Variants in SYNC observed in about 807,000 individuals in gnomAD.
The protein encoded by SYNC is syncoilin.
A neutral mutation model predicts 49.5 loss-of-function variants in SYNC; 38 were observed. The observed-to-expected ratio is 0.77, with a 90% confidence interval of 0.59 to 1.01. The LOEUF is 1.01. Ranked by LOEUF, SYNC falls within the 50% of genes least tolerant of loss-of-function variation. The pLI is 0.00. For synonymous variants in SYNC, 201 were observed against 230.8 expected, an observed-to-expected ratio of 0.87 and a Z score of 1.17; for missense variants, 579 against 580.6, an observed-to-expected ratio of 1.00 and a Z score of 0.03.
chr1:32,687,861 A>ATTATTATTTTTTTTTTTT (rs1280120903), intron 2 of SYNC, among the ~76,000 whole-genome samples: 37 of 146,436 alleles, frequency 2.5e-4, no homozygotes, highest in African/African-American at 9.1e-4. Flanking sequence ...TATTATTATT[A>ATTATTATTTTTTTTTTTT]TTTTTTGAGA....
upstream of SYNC, chr1:32,703,152 G>A (rs1271870598): frequency 1.3e-5 from 2 of 152,058 alleles, no homozygotes; most frequent in Non-Finnish European, 2.9e-5. Flanking sequence ...CCCCACCCAA[G>A]AGGGGAAGGG....
At chr1:32,687,972 C>T (rs1050309722) in intron 2 of SYNC, among the ~76,000 whole-genome samples, 4 of 151,714 alleles carry the variant, frequency 2.6e-5, no homozygotes, top group African/African-American at 9.7e-5. Flanking sequence ...GTCTCAGCCT[C>T]CCAAGTAGCT....
intron 1 of SYNC, among the ~76,000 whole-genome samples, chr1:32,697,583 A>G (rs966292102): frequency 1.3e-5 from 2 of 151,976 alleles, no homozygotes; most frequent in African/African-American, 4.8e-5. Flanking sequence ...AAAAAATACA[A>G]AAAATTAGCT....
At chr1:32,694,349 T>G (rs979273590) in intron 2 of SYNC, among the ~76,000 whole-genome samples, 1 of 150,732 alleles carries the variant, frequency 6.6e-6, no homozygotes, top group East Asian at 2.0e-4. Context: ...AGCAAGACCC[T>G]GTCGCAAAAA....
Position 32,692,545 on chromosome 1 carries a change from G to A in SYNC, c.1233+2320C>T, listed in dbSNP as rs1345763839. Among the ~76,000 whole-genome samples, 5 of 152,178 alleles carry A rather than the reference G, an allele frequency of 3.3e-5. No homozygotes were observed. In the East Asian group the frequency reaches 7.7e-4, roughly 23 times the overall value. ...GTGGATCACCTGAGGTCAGGTGTTC[G>A]AGACCAGCCTGACCAACATGGTGAA... On this transcript the variant is annotated intron_variant, in intron 2 of 4. Coordinates refer to ENST00000409190, the MANE Select transcript of SYNC (RefSeq NM_030786.3).
intron 2 of SYNC, among the ~76,000 whole-genome samples, chr1:32,687,988 T>C (rs1403857934): frequency 6.6e-6 from 1 of 151,872 alleles, no homozygotes; most frequent in East Asian, 1.9e-4. Flanking sequence ...TAGCTGGGAC[T>C]ACAGGCGGCC....
intron 2 of SYNC, among the ~76,000 whole-genome samples, chr1:32,686,908 C>G (rs570210155): frequency 6.4e-4 from 97 of 152,314 alleles, no homozygotes; most frequent in African/African-American, 2.2e-3. Flanking sequence ...TGTGCAACCC[C>G]AAAAGCTGGC....
chr1:32,688,865 G>A (rs975717635), intron 2 of SYNC, among the ~76,000 whole-genome samples: 3 of 151,980 alleles, frequency 2.0e-5, no homozygotes, highest in African/African-American at 7.3e-5. Context: ...ACAGGCATGG[G>A]CCACTGCACC....
chr1:32,690,973 C>CT (rs1183232824), intron 2 of SYNC, among the ~76,000 whole-genome samples: 1 of 152,064 alleles, frequency 6.6e-6, no homozygotes, highest in South Asian at 2.1e-4. Context: ...AATCCCAGTA[C>CT]TTTGGGAGGC....
At position 32,688,261 on chromosome 1, in the gene SYNC, C is replaced by T. The variant is rs78033234; in HGVS notation, c.1234-3879G>A. Among the ~76,000 whole-genome samples the T allele has an allele frequency of 1.8e-3, 273 of 152,270 alleles. 8 individuals are homozygous for T. In the East Asian group the frequency reaches 0.043, roughly 24 times the overall value. The stretch of plus-strand genomic sequence containing the variant: ...CTGCCTAACCCTGGGCAAATCACTG[C>T]TCTGCCTTACCTCTGTCTTCTTATT... On this transcript the variant is annotated intron_variant, in intron 2 of 4. Transcript: ENST00000409190.
chr1:32,686,390 T>C (rs1483620288), intron 2 of SYNC, among the ~76,000 whole-genome samples: 1 of 152,210 alleles, frequency 6.6e-6, no homozygotes, highest in Non-Finnish European at 1.5e-5. Context: ...TCTACCTAGA[T>C]ACTAATTTCT....
At chr1:32,685,506 T>TA (rs1486157461) in intron 2 of SYNC, 2 of 152,236 alleles carry the variant, frequency 1.3e-5, no homozygotes, top group Non-Finnish European at 2.9e-5. Context: ...TACATGCTAT[T>TA]ATTAGAAGGA....
chr1:32,695,180 T>G lies in SYNC; in HGVS notation c.918A>C (p.Leu306=). Residue 306 remains leucine (L), a synonymous_variant, in exon 2 of 5, where the codon CTA becomes CTC. Transcript: ENST00000409190. ...CATCCCTCTGGCTTGGAGGGGCTTC[T>G]AGTTGTTGCCGCAGCTGCTCCTTCT... ...QKQKEQLRQQ[L]EAPPSQRDGH... is the part of the protein sequence containing the mutation. 6.4e-7 allele frequency: 1 copy of G among 1,573,476 alleles called. No homozygotes were observed. The highest frequency in any genetic ancestry group is 8.6e-7 in the Non-Finnish European group (1 of 1,159,168).
At position 32,681,146 on chromosome 1, in the gene SYNC, GT is replaced by G. The variant is rs761329285; in HGVS notation, c.*703del. ...AATCGCTTAGTTTTTTGTTGTTGTT[GT>G]TTTTTAACTGAGTAGATCATTCTGA... On this transcript the variant is annotated 3_prime_UTR_variant, in exon 5 of 5. Transcript: ENST00000409190. 1 of 152,508 alleles carries G rather than the reference GT, an allele frequency of 6.6e-6. No homozygotes were observed. The highest frequency in any genetic ancestry group is 1.5e-5 in the Non-Finnish European group (1 of 68,082). 9.4% of individuals were successfully genotyped at this position (152,508 alleles called of 1,614,324 possible).
intron 2 of SYNC, among the ~76,000 whole-genome samples, chr1:32,690,852 C>G (rs985614734): frequency 1.3e-5 from 2 of 151,734 alleles, no homozygotes; most frequent in African/African-American, 2.4e-5. Context: ...TTTGGGAGGC[C>G]GAGGCAGGCA....
At chr1:32,697,506 G>A (rs1650485883) in intron 1 of SYNC, among the ~76,000 whole-genome samples, 1 of 151,252 alleles carries the variant, frequency 6.6e-6, no homozygotes, top group African/African-American at 2.4e-5. Flanking sequence ...ACTTTGGGAG[G>A]CCAAGACCTC....
Position 32,680,835 on chromosome 1 carries a change from C to T in SYNC, c.*1015G>A, listed in dbSNP as rs1329627697. 3 of 367,050 alleles carry T rather than the reference C, an allele frequency of 8.2e-6. No individual in the cohort carries two copies. Among genetic ancestry groups the T allele is most frequent in the Non-Finnish European group, 9.8e-6 (2 of 203,446 alleles). 22.7% of individuals were successfully genotyped at this position (367,050 alleles called of 1,614,324 possible). A position where few individuals can be genotyped will look rare whatever the true frequency, so the allele number is the denominator to read the frequency against. The stretch of plus-strand genomic sequence containing the variant: ...ACTCCTTCCCAGGGAAAGTGAAAGA[C>T]ATAAAACACTGAATCAGAGGTGGCA... On this transcript the variant is annotated 3_prime_UTR_variant, in exon 5 of 5. Transcript: ENST00000409190.
rs1408227435 is a variant in SYNC at position 32,702,504 on chromosome 1, AC to A, written c.53+103del. 2.7e-6 allele frequency: 3 copies of A among 1,092,698 alleles called. No homozygotes were observed. The African/African-American group carries it at 5.0e-5, about 18-fold the overall frequency. 67.7% of individuals were successfully genotyped at this position (1,092,698 alleles called of 1,614,324 possible). On this transcript the variant is annotated intron_variant, in intron 1 of 4. Coordinates refer to ENST00000409190, the MANE Select transcript of SYNC (RefSeq NM_030786.3). The surrounding 1 kb of genome is among the most constrained non-coding windows in gnomAD (Gnocchi z 6.2). ...AGTGCCCCACCCCGGCTGGACCACT[AC>A]CCCTAGACAGGCGAAAGACGCCCGC...
Position 32,680,319 on chromosome 1 carries a change from T to C in SYNC, c.*1531A>G. 2.2e-6 allele frequency: 3 copies of C among 1,333,726 alleles called. No homozygotes were observed. The highest frequency in any genetic ancestry group is 1.9e-6 in the Non-Finnish European group (2 of 1,043,894). The allele number at this position is 1,333,726 out of a possible 1,614,324, so 82.6% of individuals were successfully genotyped here. A position where few individuals can be genotyped will look rare whatever the true frequency, so the allele number is the denominator to read the frequency against. ...CTTGAGCTGTTTTCATGTTGTTTAT[T>C]TCCTGTCTGTGAAATGGTGTTTTTT... On this transcript the variant is annotated 3_prime_UTR_variant, in exon 5 of 5. Coordinates refer to ENST00000409190, the MANE Select transcript of SYNC (RefSeq NM_030786.3).
Sources: allele counts gnomAD v4.1 joint callset (sites outside exome capture counted in the v4.1 genomes callset), GRCh38; gene constraint gnomAD v4.1.1; non-coding constraint Gnocchi (gnomAD v3.1); transcripts MANE v1.5; gene names NCBI Gene and HGNC (gene_info 2026-07-23, HGNC 2026-07-21).